Variants in ADAMTS17 observed in about 807,000 individuals in gnomAD.
ADAMTS17 encodes the protein ADAM metallopeptidase with thrombospondin type 1 motif 17.
A neutral mutation model predicts 141.5 loss-of-function variants in ADAMTS17; 113 were observed. The observed-to-expected ratio is 0.80, with a 90% confidence interval of 0.69 to 0.93. The LOEUF is 0.93. Ranked by LOEUF, ADAMTS17 falls within the 40% of genes least tolerant of loss-of-function variation. ADAMTS17 has a pLI of 0.00. For synonymous variants in ADAMTS17, 768 were observed against 630.6 expected (o/e 1.22, Z -3.27); for missense variants, 1,659 against 1,517.9 (o/e 1.09, Z -1.54).
Position 100,070,476 on chromosome 15 carries a change from G to C in ADAMTS17, c.2138-16422C>G, listed in dbSNP as rs143260269. ...ACCACACCACACTTATTCCAAAATT[G>C]ACCACTTAGTTGGAAGTAAAGTACT... On this transcript the variant is annotated intron_variant, in intron 15 of 21. Coordinates refer to ENST00000268070, the MANE Select transcript of ADAMTS17 (RefSeq NM_139057.4). 2.8e-3 allele frequency among the ~76,000 whole-genome samples: 418 copies of C among 150,164 alleles called. 29 individuals are homozygous for C. The highest frequency in any genetic ancestry group is 0.015 in the South Asian group (72 of 4,740).
chr15:100,310,292 G>A (rs1190065739), intron 3 of ADAMTS17, among the ~76,000 whole-genome samples: 1 of 152,212 alleles, frequency 6.6e-6, no homozygotes, highest in Non-Finnish European at 1.5e-5. Flanking sequence ...CCCCACACAG[G>A]GAGAGGAGGG....
intron 4 of ADAMTS17, among the ~76,000 whole-genome samples, chr15:100,265,377 G>C (rs2142009453): frequency 6.6e-6 from 1 of 152,352 alleles, no homozygotes; most frequent in African/African-American, 2.4e-5. Flanking sequence ...TGTTTAGGGA[G>C]ACACCTGGTT....
At chr15:100,154,530 G>A (rs754779770) in intron 9 of ADAMTS17, among the ~76,000 whole-genome samples, 74 of 152,252 alleles carry the variant, frequency 4.9e-4, no homozygotes, top group Middle Eastern at 6.8e-3. Flanking sequence ...CGGCTAAGTA[G>A]CTCAGTGACC....
At chr15:100,339,574 C>A (rs925514821) in intron 2 of ADAMTS17, among the ~76,000 whole-genome samples, 1 of 114,136 alleles carries the variant, frequency 8.8e-6, no homozygotes, top group Non-Finnish European at 1.8e-5. Flanking sequence ...CCCACATTCC[C>A]CGCCCCAGGT....
At chr15:100,093,974 G>C (rs1456009197) in intron 15 of ADAMTS17, among the ~76,000 whole-genome samples, 1 of 151,776 alleles carries the variant, frequency 6.6e-6, no homozygotes, top group African/African-American at 2.4e-5. Flanking sequence ...AACTATACTA[G>C]ATAGGCAGCC....
chr15:100,194,952 C>A (rs535299693), intron 8 of ADAMTS17, among the ~76,000 whole-genome samples: 1 of 152,324 alleles, frequency 6.6e-6, no homozygotes, highest in South Asian at 2.1e-4. Flanking sequence ...CAAAAGGAGA[C>A]CCCGGCTAAA....
At chr15:100,246,577 A>T (rs1363565152) in intron 7 of ADAMTS17, among the ~76,000 whole-genome samples, 1 of 152,228 alleles carries the variant, frequency 6.6e-6, no homozygotes, top group African/African-American at 2.4e-5. Flanking sequence ...CTCAGAGTAG[A>T]CACCAACGAC....
chr15:100,336,682 G>C (rs1300578690), intron 2 of ADAMTS17, among the ~76,000 whole-genome samples: 1 of 152,144 alleles, frequency 6.6e-6, no homozygotes, highest in Non-Finnish European at 1.5e-5. Flanking sequence ...TTTTTGACAA[G>C]ACTAACTCCT....
At chr15:100,288,133 A>G (rs552622289) in intron 3 of ADAMTS17, among the ~76,000 whole-genome samples, 1 of 152,370 alleles carries the variant, frequency 6.6e-6, no homozygotes, top group East Asian at 1.9e-4. Context: ...ATGCAGTGAC[A>G]CCCACAGGAT....
At position 100,051,698 on chromosome 15, in the gene ADAMTS17, G is replaced by T; in HGVS notation, c.2329C>A (p.His777Asn). Residue 777 changes from histidine to asparagine, a missense_variant, in exon 17 of 22, where the codon CAT (histidine) becomes AAT (asparagine). Physicochemically the swap from His to Asn is moderately conservative, Grantham distance 68 (BLOSUM62 1). Transcript: ENST00000268070. Reference protein sequence around the residue: ...LLFHDQDYGIHYEYTVPVNRT... With the variant: ...LLFHDQDYGINYEYTVPVNRT... Reference sequence around the variant, plus strand: ...TTTACAGGAACAGTGTATTCATAATGAATTCCATAATCTTGGTCGTGAAAT... The same window carrying T: ...TTTACAGGAACAGTGTATTCATAATTAATTCCATAATCTTGGTCGTGAAAT... 1 of 1,614,142 alleles carries T rather than the reference G, an allele frequency of 6.2e-7. No individual in the cohort carries two copies. The highest frequency in any genetic ancestry group is 8.5e-7 in the Non-Finnish European group (1 of 1,180,030).
At chr15:100,054,868 G>T (rs565845547) in intron 15 of ADAMTS17, among the ~76,000 whole-genome samples, 8 of 152,270 alleles carry the variant, frequency 5.3e-5, no homozygotes, top group African/African-American at 1.4e-4. Context: ...TTCCACACAA[G>T]CCATGTATTT....
chr15:100,188,010 G>T (rs994516820), intron 8 of ADAMTS17, among the ~76,000 whole-genome samples: 3 of 152,252 alleles, frequency 2.0e-5, no homozygotes, highest in African/African-American at 7.2e-5. Context: ...CTTGAGTCCA[G>T]GGGTTTGAGG....
At chr15:100,128,677 C>A (rs2037874895) in intron 12 of ADAMTS17, 1 of 152,224 alleles carries the variant, frequency 6.6e-6, no homozygotes, top group African/African-American at 2.4e-5. Context: ...TCTCCTGGGG[C>A]CATGGGACCT....
At chr15:100,130,965 C>T (rs2038006833) in intron 12 of ADAMTS17, among the ~76,000 whole-genome samples, 1 of 152,050 alleles carries the variant, frequency 6.6e-6, no homozygotes, top group African/African-American at 2.4e-5. Flanking sequence ...TGGAACCAAC[C>T]CAAATGCCCA....
chr15:100,179,473 T>A (rs2040450032), intron 8 of ADAMTS17, among the ~76,000 whole-genome samples: 1 of 152,228 alleles, frequency 6.6e-6, no homozygotes, highest in Non-Finnish European at 1.5e-5. Context: ...TGCTTCCAAA[T>A]CTTGGCTATT....
chr15:100,341,659 G>C (rs2046370491), intron 1 of ADAMTS17, among the ~76,000 whole-genome samples, 162 bp downstream of exon 1: 1 of 151,222 alleles, frequency 6.6e-6, no homozygotes, highest in Non-Finnish European at 1.5e-5. Flanking sequence ...GCCTGCCACG[G>C]AGCCACCCGA....
Position 100,286,309 on chromosome 15 carries a change from C to T in ADAMTS17, c.617-4908G>A, listed in dbSNP as rs543393491. Among the ~76,000 whole-genome samples the T allele has an allele frequency of 6.4e-4, 98 of 152,334 alleles. 1 individual carries two copies. The highest frequency in any genetic ancestry group is 2.3e-3 in the African/African-American group (94 of 41,586). On this transcript the variant is annotated intron_variant, in intron 3 of 21. Transcript: ENST00000268070. ...GCCCTACGCACCTCCACTGGGACTC[C>T]ACTGCTGCTGAGGCACAGGCAGTCT... is the stretch of plus-strand genomic sequence containing the variant.
intron 18 of ADAMTS17, among the ~76,000 whole-genome samples, chr15:100,024,208 TCGGCCTCC>T (rs2061462167): frequency 6.6e-6 from 1 of 152,198 alleles, no homozygotes; most frequent in African/African-American, 2.4e-5. Context: ...TTCTCCTGCG[TCGGCCTCC>T]CGAATAGCTG....
intron 7 of ADAMTS17, among the ~76,000 whole-genome samples, chr15:100,250,220 G>C (rs1596361063): frequency 6.6e-6 from 1 of 152,178 alleles, no homozygotes; most frequent in Non-Finnish European, 1.5e-5. Flanking sequence ...TATGTGAGCT[G>C]CACCCTAATT....
Sources: allele counts gnomAD v4.1 joint callset (sites outside exome capture counted in the v4.1 genomes callset), GRCh38; gene constraint gnomAD v4.1.1; transcripts MANE v1.5; gene names NCBI Gene and HGNC (gene_info 2026-07-23, HGNC 2026-07-21).